The following YJU2 variants were observed in gnomAD, a reference collection of about 807,000 sequenced individuals.
The protein encoded by YJU2 is splicing factor YJU2.
A neutral mutation model predicts 39.6 loss-of-function variants in YJU2; 28 were observed. That is an observed-to-expected ratio of 0.71 (90% CI 0.52 to 0.97). The LOEUF is 0.97. YJU2 is among the 50% of genes least tolerant of loss of function. The pLI is 0.00. For synonymous variants in YJU2, 184 were observed against 182.4 expected (o/e 1.01, Z -0.07); for missense variants, 328 against 430.4 (o/e 0.76, Z 2.11).
intron 6 of YJU2, among the ~76,000 whole-genome samples, chr19:4,267,149 A>G (rs189432673): frequency 1.1e-4 from 17 of 152,264 alleles, no homozygotes; most frequent in African/African-American, 3.9e-4. Context: ...CAGAGCCAGC[A>G]GTGGGGAAGA....
intron 2 of YJU2, among the ~76,000 whole-genome samples, chr19:4,250,564 T>C (rs1419891789): frequency 6.6e-6 from 1 of 151,774 alleles, no homozygotes; most frequent in Non-Finnish European, 1.5e-5. Flanking sequence ...TCGCCGGCCA[T>C]GAGACTGTAG....
At chr19:4,261,106 C>T (rs1453535348) in intron 5 of YJU2, among the ~76,000 whole-genome samples, 1 of 152,168 alleles carries the variant, frequency 6.6e-6, no homozygotes, top group African/African-American at 2.4e-5. Context: ...GTTGCCCAGG[C>T]TGGTCTCATG....
chr19:4,261,528 G>A (rs895774911), intron 5 of YJU2, among the ~76,000 whole-genome samples: 1 of 151,728 alleles, frequency 6.6e-6, no homozygotes. Flanking sequence ...GGGTGTGGTG[G>A]CAGGCACCTG....
At chr19:4,267,030 G>T (rs1166855286) in intron 6 of YJU2, among the ~76,000 whole-genome samples, 2 of 152,100 alleles carry the variant, frequency 1.3e-5, no homozygotes, top group African/African-American at 2.4e-5. Context: ...GGAGCTGGAG[G>T]CCTTTTCTAC....
Position 4,249,314 on chromosome 19 carries a change from C to A in YJU2, c.111C>A (p.Ala37=). 1 of 1,612,876 alleles carries A rather than the reference C, an allele frequency of 6.2e-7. No individual in the cohort carries two copies. The highest frequency in any genetic ancestry group is 1.1e-5 in the South Asian group (1 of 90,962). The change falls in exon 2 of 8, where the codon GCC becomes GCA. Residue 37 remains alanine (A), a synonymous_variant. Transcript: ENST00000262962. ...KDRQYVVRLM[A]PFNMRCKTCG... is the part of the protein sequence containing the mutation. ...GGCAGTACGTGGTGCGGCTGATGGCCCCCTTCAACATGAGGTGAGCACCCC... is the reference window on the plus strand; with the variant it reads ...GGCAGTACGTGGTGCGGCTGATGGCACCCTTCAACATGAGGTGAGCACCCC...
chr19:4,265,276 C>G (rs1053497814), intron 6 of YJU2, among the ~76,000 whole-genome samples: 2 of 151,946 alleles, frequency 1.3e-5, no homozygotes, highest in African/African-American at 4.8e-5. Context: ...GAGATGAGGT[C>G]TTGCTCTGTC....
chr19:4,257,110 C>T (rs958890823), intron 4 of YJU2, among the ~76,000 whole-genome samples: 5 of 152,000 alleles, frequency 3.3e-5, no homozygotes, highest in Admixed American at 6.6e-5. Context: ...AGGATTCACT[C>T]CCAACCTGCC....
intron 6 of YJU2, among the ~76,000 whole-genome samples, chr19:4,263,146 T>C (rs73528465): frequency 0.081 from 12,297 of 151,192 alleles, 1,699 homozygotes; most frequent in African/African-American, 0.28. Flanking sequence ...CGCCAACCCC[T>C]GTTTAAGCTG....
intron 5 of YJU2, among the ~76,000 whole-genome samples, chr19:4,261,063 A>C (rs1169692899): frequency 1.3e-5 from 2 of 149,582 alleles, no homozygotes; most frequent in Non-Finnish European, 3.0e-5. Context: ...CCTGATTTTT[A>C]AAATCCTTTT....
intron 6 of YJU2, among the ~76,000 whole-genome samples, chr19:4,266,744 C>T (rs938119492): frequency 3.9e-5 from 6 of 152,154 alleles, no homozygotes; most frequent in African/African-American, 1.2e-4. Context: ...CTCTTTGGGA[C>T]GCTGAGACGG....
rs753382248 is a variant in YJU2 at position 4,261,986 on chromosome 19, T to C, written c.588-8T>C. ...AGCACGTCCAAGTTCCCATCTTCCATCCCACAGGGCCCTGTTGGAGGAAGC... is the reference window on the plus strand; with the variant it reads ...AGCACGTCCAAGTTCCCATCTTCCACCCCACAGGGCCCTGTTGGAGGAAGC... On this transcript the variant is annotated splice_polypyrimidine_tract_variant and splice_region_variant and intron_variant, in intron 5 of 7. Transcript: ENST00000262962. The C allele has an allele frequency of 6.2e-7, 1 of 1,612,460 alleles. No homozygotes were observed. Among genetic ancestry groups the C allele is most frequent in the Non-Finnish European group, 8.5e-7 (1 of 1,179,590 alleles).
intron 6 of YJU2, among the ~76,000 whole-genome samples, chr19:4,264,101 A>G (rs1156777490): frequency 1.3e-5 from 2 of 151,362 alleles, no homozygotes; most frequent in Non-Finnish European, 2.9e-5. Flanking sequence ...TCTCTGCTAA[A>G]AATACAAAAA....
chr19:4,258,926 T>TC (rs1971046962), intron 5 of YJU2, among the ~76,000 whole-genome samples: 1 of 152,002 alleles, frequency 6.6e-6, no homozygotes, highest in Non-Finnish European at 1.5e-5. Flanking sequence ...ACCATGGTGT[T>TC]TGCAGGAACA....
At chr19:4,249,134 C>A in intron 1 of YJU2, 94 bp from the exon 2 acceptor site, 1 of 814,086 alleles carries the variant, frequency 1.2e-6, no homozygotes. Flanking sequence ...GGCTTGGGGA[C>A]CCCCGACACA....
chr19:4,256,184 ATAT>A (rs1568361828), intron 4 of YJU2, among the ~76,000 whole-genome samples: 7 of 105,474 alleles, frequency 6.6e-5, no homozygotes, highest in Non-Finnish European at 1.1e-4. Context: ...AAAAAAAAAT[ATAT>A]ATATATATAT....
chr19:4,266,508 A>C (rs1046478312), intron 6 of YJU2, among the ~76,000 whole-genome samples: 1 of 152,098 alleles, frequency 6.6e-6, no homozygotes, highest in African/African-American at 2.4e-5. Flanking sequence ...TTCCTCTGAG[A>C]AGCTCATCCT....
intron 3 of YJU2, 46 bp from the exon 4 acceptor site, chr19:4,254,309 A>T: frequency 7.1e-7 from 1 of 1,410,978 alleles, no homozygotes. Context: ...AGAAGATTCT[A>T]GTGCCTGGGG....
At chr19:4,262,153 A>G (rs777771242) in intron 6 of YJU2, 39 bp downstream of exon 6, 2 of 1,554,074 alleles carry the variant, frequency 1.3e-6, no homozygotes, top group Admixed American at 4.0e-5. Context: ...TCCCAGGTGA[A>G]CTAGGGACAA....
chr19:4,251,460 G>A (rs1343588233), intron 3 of YJU2, among the ~76,000 whole-genome samples: 2 of 152,168 alleles, frequency 1.3e-5, no homozygotes, highest in East Asian at 1.9e-4. Context: ...CGGCCAAGGC[G>A]GGCAGATCAC....
Sources: gnomAD v4.1 joint callset for allele counts (sites outside exome capture counted in the v4.1 genomes callset) on GRCh38, gnomAD v4.1.1 for gene constraint, MANE v1.5 for transcripts, NCBI Gene and HGNC (gene_info 2026-07-23, HGNC 2026-07-21) for gene names.